The following LRRC14 variants were observed in gnomAD, a reference collection of about 807,000 sequenced individuals.
LRRC14 encodes leucine-rich repeat-containing protein 14.
A neutral mutation model predicts 25.3 loss-of-function variants in LRRC14; 16 were observed. The observed-to-expected ratio is 0.63, with a 90% CI of 0.43 to 0.96. The LOEUF (loss-of-function observed/expected upper bound fraction) is 0.96, where lower values mean the gene tolerates loss of function less well. LRRC14 is among the 40% of genes least tolerant of loss of function. The probability of loss-of-function intolerance (pLI) is 0.00; values close to 1 mark genes in which losing one functional copy is unlikely to be tolerated. For missense variants in LRRC14, 594 were observed against 660.5 expected (o/e 0.90, Z 1.10); for synonymous variants, 359 against 295.1 (o/e 1.22, Z -2.22).
rs199698941 is a variant in LRRC14, at chr8:144,524,096, C to T, written c.*2618C>T. The stretch of plus-strand genomic sequence containing the variant: ...CCGTGGCCCAGACAGAGACGCTTTC[C>T]GAGGAAGAGGTACCTGTGAGGCGCA... On this transcript the variant is annotated 3_prime_UTR_variant, in exon 4 of 4. Transcript: ENST00000292524. 4.4e-6 allele frequency: 7 copies of T among 1,591,410 alleles called. No homozygotes were observed. In the Admixed American group the frequency reaches 1.0e-4, roughly 23 times the overall value.
chr8:144,523,754 C>T lies in LRRC14; in HGVS notation c.*2276C>T, dbSNP rs1816229726. The T allele has an allele frequency of 7.2e-6, 3 of 414,234 alleles. No individual in the cohort carries two copies. In the South Asian group the frequency reaches 1.6e-4, roughly 22 times the overall value. 25.7% of individuals were successfully genotyped at this position (414,234 alleles called of 1,614,324 possible). On this transcript the variant is annotated 3_prime_UTR_variant, in exon 4 of 4. Coordinates refer to ENST00000292524, the MANE Select transcript of LRRC14 (RefSeq NM_014665.4). Reference sequence around the variant, plus strand: ...ACATCTCACCAGCACTGAAACCTCACAAGTCCTCTCAGCCTTGCCTTTGGA... The same window carrying T: ...ACATCTCACCAGCACTGAAACCTCATAAGTCCTCTCAGCCTTGCCTTTGGA...
In LRRC14 at chr8:144,522,815, A is replaced by T; in HGVS notation, c.*1337A>T. The T allele has an allele frequency of 1.3e-6, 2 of 1,497,482 alleles. No homozygotes were observed. Among genetic ancestry groups the T allele is most frequent in the Non-Finnish European group, 1.8e-6 (2 of 1,126,906 alleles). The allele number at this position is 1,497,482 out of a possible 1,614,324, so 92.8% of individuals were successfully genotyped here. On this transcript the variant is annotated 3_prime_UTR_variant, in exon 4 of 4. Coordinates refer to ENST00000292524, the MANE Select transcript of LRRC14 (RefSeq NM_014665.4). Reference sequence around the variant, plus strand: ...CGCCGCAATGGCCGTCTGTGTGGCCACGCCCAGGGCGCGGAAGGCCATGCT... The same window carrying T: ...CGCCGCAATGGCCGTCTGTGTGGCCTCGCCCAGGGCGCGGAAGGCCATGCT...
rs1278393873 is a variant in LRRC14 at position 144,524,951 on chromosome 8, C to T, written c.*3473C>T. ...GCAGTAGTAGCAGCAGCAGCGGCAG[C>T]AGTGCGGGGGCCCTCAGGGCCATCT... On this transcript the variant is annotated 3_prime_UTR_variant, in exon 4 of 4. Coordinates refer to ENST00000292524, the MANE Select transcript of LRRC14 (RefSeq NM_014665.4). 2 of 1,502,294 alleles carry T rather than the reference C, an allele frequency of 1.3e-6. No individual in the cohort carries two copies. The highest frequency in any genetic ancestry group is 1.8e-6 in the Non-Finnish European group (2 of 1,127,322). 93.1% of individuals were successfully genotyped at this position (1,502,294 alleles called of 1,614,324 possible).
In LRRC14 at chr8:144,521,007, C is replaced by T. The variant is rs751142248; in HGVS notation, c.1011C>T (p.His337=). The part of the protein sequence containing the change: ...RFLARSPHAA[H]LKKLDLSGND... The stretch of plus-strand genomic sequence containing the variant: ...TGGCACGGAGCCCACATGCTGCCCA[C>T]CTCAAGAAGTTGGACCTGAGTGGTA... Residue 337 remains histidine (H), a synonymous_variant, in exon 4 of 4, where the codon CAC becomes CAT. Coordinates refer to ENST00000292524, the MANE Select transcript of LRRC14 (RefSeq NM_014665.4). 3 of 1,613,042 alleles carry T rather than the reference C, an allele frequency of 1.9e-6. No homozygotes were observed. The highest frequency in any genetic ancestry group is 1.3e-5 in the African/African-American group (1 of 74,940).
Position 144,524,055 on chromosome 8 carries a change from C to T in LRRC14, c.*2577C>T. The T allele has an allele frequency of 6.4e-7, 1 of 1,568,352 alleles. No individual in the cohort carries two copies. The highest frequency in any genetic ancestry group is 8.7e-7 in the Non-Finnish European group (1 of 1,152,182). ...CAGAGCCCCTCCACACATGAGCCTG[C>T]TCCCTACTGCCAACACCGTGGCCCA... On this transcript the variant is annotated 3_prime_UTR_variant, in exon 4 of 4. Transcript: ENST00000292524.
rs1209628574 is a variant in LRRC14 at position 144,524,793 on chromosome 8, C to T, written c.*3315C>T. On this transcript the variant is annotated 3_prime_UTR_variant, in exon 4 of 4. Coordinates refer to ENST00000292524, the MANE Select transcript of LRRC14 (RefSeq NM_014665.4). Reference sequence around the variant, plus strand: ...CTCTCCCTGGGGGCACCCCGTCCTCCCGCAGCTCCACACGGTGCCCACCTG... The same window carrying T: ...CTCTCCCTGGGGGCACCCCGTCCTCTCGCAGCTCCACACGGTGCCCACCTG... 5 of 1,439,882 alleles carry T rather than the reference C, an allele frequency of 3.5e-6. No homozygotes were observed. The highest frequency in any genetic ancestry group is 4.5e-6 in the Non-Finnish European group (5 of 1,101,338). 89.2% of individuals were successfully genotyped at this position (1,439,882 alleles called of 1,614,324 possible). A position where few individuals can be genotyped will look rare whatever the true frequency, so the allele number is the denominator to read the frequency against.
In LRRC14 at chr8:144,522,071, A is replaced by T; in HGVS notation, c.*593A>T. 4.7e-6 allele frequency: 1 copy of T among 212,724 alleles called. No individual in the cohort carries two copies. The highest frequency in any genetic ancestry group is 9.3e-6 in the Non-Finnish European group (1 of 107,566). 13.2% of individuals were successfully genotyped at this position (212,724 alleles called of 1,614,324 possible). The stretch of plus-strand genomic sequence containing the variant: ...GTCCACGTTGGTCACCCTTATCCTT[A>T]TCTCTGCTGTCACCCCCAACATGGC... On this transcript the variant is annotated 3_prime_UTR_variant, in exon 4 of 4. Coordinates refer to ENST00000292524, the MANE Select transcript of LRRC14 (RefSeq NM_014665.4).
rs776858537 is a variant in LRRC14 at position 144,520,259 on chromosome 8, G to A, written c.351G>A (p.Leu117=). The change falls in exon 3 of 4, where the codon CTG becomes CTA. Residue 117 remains leucine (L), a synonymous_variant. Transcript: ENST00000292524. ...CCAGGAAGCATGCGCTGCGGGTGCT[G>A]GACATGACGGGCCTCTTGGATGATG... is the stretch of plus-strand genomic sequence containing the variant. The part of the protein sequence containing the change: ...PLCRKHALRV[L]DMTGLLDDGV... 1.9e-6 allele frequency: 3 copies of A among 1,610,160 alleles called. No homozygotes were observed. Among genetic ancestry groups the A allele is most frequent in the Admixed American group, 3.3e-5 (2 of 60,028 alleles).
Position 144,523,402 on chromosome 8 carries a change from T to A in LRRC14, c.*1924T>A, listed in dbSNP as rs779345127. On this transcript the variant is annotated 3_prime_UTR_variant, in exon 4 of 4. Transcript: ENST00000292524. Reference sequence around the variant, plus strand: ...AGTGCAGGGCGCAGTCACAGCGCCATGGGTTCTCTGTGGGAGAGCAGCGTT... The same window carrying A: ...AGTGCAGGGCGCAGTCACAGCGCCAAGGGTTCTCTGTGGGAGAGCAGCGTT... The A allele has an allele frequency of 2.0e-6, 3 of 1,531,080 alleles. No homozygotes were observed. Among genetic ancestry groups the A allele is most frequent in the Non-Finnish European group, 2.6e-6 (3 of 1,139,402 alleles). 94.8% of individuals were successfully genotyped at this position (1,531,080 alleles called of 1,614,324 possible).
At position 144,524,831 on chromosome 8, in the gene LRRC14, G is replaced by C. The variant is rs1816300954; in HGVS notation, c.*3353G>C. The C allele has an allele frequency of 6.8e-7, 1 of 1,473,626 alleles. No individual in the cohort carries two copies. Among genetic ancestry groups the C allele is most frequent in the Non-Finnish European group, 9.0e-7 (1 of 1,112,472 alleles). The allele number at this position is 1,473,626 out of a possible 1,614,324, so 91.3% of individuals were successfully genotyped here. A position where few individuals can be genotyped will look rare whatever the true frequency, so the allele number is the denominator to read the frequency against. On this transcript the variant is annotated 3_prime_UTR_variant, in exon 4 of 4. Coordinates refer to ENST00000292524, the MANE Select transcript of LRRC14 (RefSeq NM_014665.4). Reference sequence around the variant, plus strand: ...CGGTGCCCACCTGCGTCCCTGGCGGGATTCCCAGCGGGACGACGCGCAACC... The same window carrying C: ...CGGTGCCCACCTGCGTCCCTGGCGGCATTCCCAGCGGGACGACGCGCAACC...
In LRRC14 at chr8:144,524,688, C is replaced by A. The variant is rs80106055; in HGVS notation, c.*3210C>A. 32 of 1,470,598 alleles carry A rather than the reference C, an allele frequency of 2.2e-5. No individual in the cohort carries two copies. Among genetic ancestry groups the A allele is most frequent in the Non-Finnish European group, 2.8e-5 (31 of 1,121,890 alleles). The allele number at this position is 1,470,598 out of a possible 1,614,324, so 91.1% of individuals were successfully genotyped here. On this transcript the variant is annotated 3_prime_UTR_variant, in exon 4 of 4. Coordinates refer to ENST00000292524, the MANE Select transcript of LRRC14 (RefSeq NM_014665.4). ...TGGCGCCAGGGCTCCCGGCTCTAGG[C>A]GGGCGATGTTGTTGTCCTGCAGGAA...
At position 144,520,814 on chromosome 8, in the gene LRRC14, G is replaced by C. The variant is rs780745249; in HGVS notation, c.906G>C (p.Gln302His). 5.0e-6 allele frequency: 8 copies of C among 1,597,090 alleles called. No individual in the cohort carries two copies. Among genetic ancestry groups the C allele is most frequent in the Non-Finnish European group, 6.8e-6 (8 of 1,178,776 alleles). ...GSSLLSGRLD[Q>H]LLSTLQSPLE... ...CTCTCCTTTCAGGGAGGCTGGACCA[G>C]CTGCTCAGGTGAGCGGGCCCCACCA... The change falls in exon 3 of 4, where the codon CAG becomes CAC. Residue 302 changes from glutamine to histidine, a missense_variant. Gln to His is a conservative substitution (Grantham distance 24, BLOSUM62 0). Transcript: ENST00000292524.
chr8:144,521,519 CTT>C lies in LRRC14; in HGVS notation c.*43_*44del, dbSNP rs1564821538. ...TGAGACACAGGCCGCCCTGCAGTCTCTTTAGGTAGGCAGGGCCTTTGCTGGGA... is the reference window on the plus strand; with the variant it reads ...TGAGACACAGGCCGCCCTGCAGTCTCTAGGTAGGCAGGGCCTTTGCTGGGA... On this transcript the variant is annotated 3_prime_UTR_variant, in exon 4 of 4. Coordinates refer to ENST00000292524, the MANE Select transcript of LRRC14 (RefSeq NM_014665.4). 1.3e-6 allele frequency: 2 copies of C among 1,549,208 alleles called. No homozygotes were observed. Among genetic ancestry groups the C allele is most frequent in the East Asian group, 2.3e-5 (1 of 43,960 alleles).
In LRRC14 at chr8:144,522,741, A is replaced by G; in HGVS notation, c.*1263A>G. 8 of 1,589,260 alleles carry G rather than the reference A, an allele frequency of 5.0e-6. No individual in the cohort carries two copies. The highest frequency in any genetic ancestry group is 6.8e-6 in the Non-Finnish European group (8 of 1,169,754). ...TTTTTTCGCCTGCGGCGCCGGCGAC[A>G]GATCATGGCGACCAGGAGCAGCGCC... On this transcript the variant is annotated 3_prime_UTR_variant, in exon 4 of 4. Coordinates refer to ENST00000292524, the MANE Select transcript of LRRC14 (RefSeq NM_014665.4).
In LRRC14 at chr8:144,525,000, C is replaced by T. The variant is rs1371795892; in HGVS notation, c.*3522C>T. On this transcript the variant is annotated 3_prime_UTR_variant, in exon 4 of 4. Transcript: ENST00000292524. ...CTCCCGAGGCCCGGTTCCTCACCGGCCCTTCCGCGGTTCAGCCGCAGACGC... is the reference window on the plus strand; with the variant it reads ...CTCCCGAGGCCCGGTTCCTCACCGGTCCTTCCGCGGTTCAGCCGCAGACGC... 1 of 1,425,236 alleles carries T rather than the reference C, an allele frequency of 7.0e-7. No individual in the cohort carries two copies. Among genetic ancestry groups the T allele is most frequent in the East Asian group, 2.7e-5 (1 of 37,502 alleles). 88.3% of individuals were successfully genotyped at this position (1,425,236 alleles called of 1,614,324 possible). A position where few individuals can be genotyped will look rare whatever the true frequency, so the allele number is the denominator to read the frequency against.
Position 144,519,766 on chromosome 8 carries a change from A to G in LRRC14, c.41A>G (p.Gln14Arg), listed in dbSNP as rs1193678877. The change falls in exon 2 of 4, where the codon CAG becomes CGG. Residue 14 changes from glutamine (Q) to arginine (R), a missense_variant. Coordinates refer to ENST00000292524, the MANE Select transcript of LRRC14 (RefSeq NM_014665.4). ...TTCTTGAGCACACGGCAGGTGCTGC[A>G]GTGCCAGCCAGCTGCCTGCCAGGCC... is the stretch of plus-strand genomic sequence containing the variant. ...LVFLSTRQVL[Q>R]CQPAACQALP... 2 of 1,612,682 alleles carry G rather than the reference A, an allele frequency of 1.2e-6. No individual in the cohort carries two copies. Among genetic ancestry groups the G allele is most frequent in the Non-Finnish European group, 1.7e-6 (2 of 1,179,996 alleles).
rs764343500 is a variant in LRRC14 at position 144,520,688 on chromosome 8, G to C, written c.780G>C (p.Gly260=). The C allele has an allele frequency of 1.2e-6, 2 of 1,600,642 alleles. No homozygotes were observed. Among genetic ancestry groups the C allele is most frequent in the Non-Finnish European group, 1.7e-6 (2 of 1,179,956 alleles). The change falls in exon 3 of 4, where the codon GGG becomes GGC. Residue 260 remains glycine, a synonymous_variant. Transcript: ENST00000292524. ...LASLRLHYVH[G]DSRQPSVDGE... ...GCCTGCGGCTCCACTATGTGCATGG[G>C]GATTCAAGGCAGCCCTCCGTGGATG...
Position 144,522,268 on chromosome 8 carries a change from G to T in LRRC14, c.*790G>T. 1.5e-6 allele frequency: 1 copy of T among 682,982 alleles called. No homozygotes were observed. Among genetic ancestry groups the T allele is most frequent in the Non-Finnish European group, 2.2e-6 (1 of 463,062 alleles). The allele number at this position is 682,982 out of a possible 1,614,324, so 42.3% of individuals were successfully genotyped here. ...ATGCAGAGCTGGAGGTTGGGGTGATGTCTTTTCGGAAGAGCTTCAAGGGAG... is the reference window on the plus strand; with the variant it reads ...ATGCAGAGCTGGAGGTTGGGGTGATTTCTTTTCGGAAGAGCTTCAAGGGAG... On this transcript the variant is annotated 3_prime_UTR_variant, in exon 4 of 4. Transcript: ENST00000292524.
Position 144,520,766 on chromosome 8 carries a change from G to T in LRRC14, c.858G>T (p.Leu286=), listed in dbSNP as rs770888947. 6.9e-6 allele frequency: 11 copies of T among 1,598,706 alleles called. No homozygotes were observed. In the South Asian group the frequency reaches 1.1e-4, roughly 16 times the overall value. The part of the protein sequence containing the change: ...FLAQMGRFTC[L]RELSMGSSLL... ...CCCAGATGGGCCGCTTCACCTGTCTGCGTGAGCTCAGCATGGGCTCCTCTC... is the reference window on the plus strand; with the variant it reads ...CCCAGATGGGCCGCTTCACCTGTCTTCGTGAGCTCAGCATGGGCTCCTCTC... The change falls in exon 3 of 4, where the codon CTG becomes CTT. Residue 286 remains leucine (L), a synonymous_variant. Coordinates refer to ENST00000292524, the MANE Select transcript of LRRC14 (RefSeq NM_014665.4).
Sources: gnomAD v4.1 joint callset for allele counts on GRCh38, gnomAD v4.1.1 for gene constraint, MANE v1.5 for transcripts, NCBI Gene and HGNC (gene_info 2026-07-23, HGNC 2026-07-21) for gene names.